Variants in ALMS1 observed in about 807,000 individuals in gnomAD.
ALMS1 encodes ALMS1 centrosome and basal body associated protein, also known as centrosome-associated protein ALMS1.
In ALMS1, 271 loss-of-function variants were observed where a neutral mutation model predicts 352.2. The ratio of observed to expected loss-of-function variants is 0.77; its 90% confidence interval spans 0.70 to 0.85. The LOEUF (loss-of-function observed/expected upper bound fraction) is 0.85, where lower values mean the gene tolerates loss of function less well. ALMS1 is among the 40% of genes least tolerant of loss of function. ALMS1 has a pLI of 0.00. For synonymous variants in ALMS1, 1,865 were observed against 1,761.2 expected, an observed-to-expected ratio of 1.06 and a Z score of -1.48; for missense variants, 5,445 against 4,870.7, an observed-to-expected ratio of 1.12 and a Z score of -3.51.
intron 9 of ALMS1, among the ~76,000 whole-genome samples, chr2:73,483,822 A>C (rs1351173326): frequency 4.8e-5 from 7 of 146,588 alleles, no homozygotes; most frequent in Admixed American, 1.4e-4. Flanking sequence ...CTTTACCATT[A>C]TGTAATGGCC....
rs770879267 is a variant in ALMS1, at chr2:73,517,246, C to CTTTTTTTTTTTTTTTTTTTTTTT, written c.9540-2512_9540-2511insTTTTTTTTTTTTTTTTTTTTTTT. ...CAAGTGATTTTTTGAAAGTTTTAGT[C>CTTTTTTTTTTTTTTTTTTTTTTT]TTTTTTTTTTTTTTTTTCTTATAGA... is the stretch of plus-strand genomic sequence containing the variant. On this transcript the variant is annotated intron_variant, in intron 10 of 22. Coordinates refer to ENST00000613296, the MANE Select transcript of ALMS1 (RefSeq NM_001378454.1). Among the ~76,000 whole-genome samples the CTTTTTTTTTTTTTTTTTTTTTTT allele has an allele frequency of 2.5e-4, 26 of 104,968 alleles. 3 individuals are homozygous for CTTTTTTTTTTTTTTTTTTTTTTT. Among genetic ancestry groups the CTTTTTTTTTTTTTTTTTTTTTTT allele is most frequent in the African/African-American group, 3.8e-4 (8 of 21,256 alleles). The allele number at this position is 104,968 out of a possible 152,430, so 68.9% of individuals were successfully genotyped here. A position where few individuals can be genotyped will look rare whatever the true frequency, so the allele number is the denominator to read the frequency against.
chr2:73,558,412 G>A (rs1674587881), intron 14 of ALMS1, among the ~76,000 whole-genome samples: 1 of 152,122 alleles, frequency 6.6e-6, no homozygotes, highest in Non-Finnish European at 1.5e-5. Flanking sequence ...AAACAGTTTT[G>A]ATCATGTTAA....
intron 9 of ALMS1, among the ~76,000 whole-genome samples, chr2:73,488,628 C>T (rs199949865): frequency 3.9e-5 from 6 of 152,222 alleles, no homozygotes; most frequent in Non-Finnish European, 5.9e-5. Context: ...CCTAGCTGTT[C>T]CTTCCCCACT....
intron 1 of ALMS1, among the ~76,000 whole-genome samples, chr2:73,388,231 C>A (rs904359349): frequency 5.3e-5 from 8 of 152,178 alleles, no homozygotes; most frequent in Admixed American, 3.3e-4. Context: ...TATTAATATT[C>A]AAACTTTATC....
chr2:73,561,625 C>A (rs1558695284), intron 15 of ALMS1, among the ~76,000 whole-genome samples: 1 of 148,350 alleles, frequency 6.7e-6, no homozygotes, highest in African/African-American at 2.6e-5. Flanking sequence ...TTCAGTGTTA[C>A]AAGATGAAAG....
intron 5 of ALMS1, among the ~76,000 whole-genome samples, chr2:73,425,465 G>T (rs1404151616): frequency 2.0e-5 from 3 of 152,070 alleles, no homozygotes; most frequent in African/African-American, 7.2e-5. Context: ...CTTCTGGTTG[G>T]ATTGTTATAT....
intron 12 of ALMS1, among the ~76,000 whole-genome samples, chr2:73,540,974 G>A (rs930717062): frequency 2.0e-5 from 3 of 152,190 alleles, no homozygotes; most frequent in African/African-American, 7.2e-5. Flanking sequence ...GAGACAGAAA[G>A]TTAACAAGGC....
At chr2:73,475,445 T>G (rs1479804040) in intron 9 of ALMS1, among the ~76,000 whole-genome samples, 1 of 152,146 alleles carries the variant, frequency 6.6e-6, no homozygotes, top group African/African-American at 2.4e-5. Flanking sequence ...GGGTATTTAT[T>G]GTGTTTTTTA....
intron 10 of ALMS1, among the ~76,000 whole-genome samples, chr2:73,500,866 C>A (rs959037914): frequency 6.6e-6 from 1 of 152,114 alleles, no homozygotes; most frequent in African/African-American, 2.4e-5. Flanking sequence ...TCCATGTAGT[C>A]TATCTAGGTT....
intron 9 of ALMS1, among the ~76,000 whole-genome samples, chr2:73,469,173 TAACTC>T (rs773403111): frequency 9.2e-5 from 14 of 151,784 alleles, no homozygotes; most frequent in Non-Finnish European, 4.4e-5. Flanking sequence ...TATGGACCAA[TAACTC>T]AACAAGTTTA....
chr2:73,463,241 A>G (rs1009938993), intron 9 of ALMS1, among the ~76,000 whole-genome samples: 1 of 152,248 alleles, frequency 6.6e-6, no homozygotes, highest in African/African-American at 2.4e-5. Context: ...AAGAAATTAT[A>G]ACAAACTATC....
chr2:73,578,115 T>G (rs1675091503), intron 16 of ALMS1, among the ~76,000 whole-genome samples: 1 of 152,198 alleles, frequency 6.6e-6, no homozygotes, highest in South Asian at 2.1e-4. Flanking sequence ...GATTGATCCT[T>G]TTATCAGTAC....
intron 10 of ALMS1, among the ~76,000 whole-genome samples, chr2:73,504,056 G>A (rs1673270276): frequency 6.6e-6 from 1 of 151,756 alleles, no homozygotes; most frequent in Non-Finnish European, 1.5e-5. Flanking sequence ...TTTTTAACTT[G>A]TTATTTGAAA....
chr2:73,429,673 A>G lies in ALMS1; in HGVS notation c.1339-2525A>G, dbSNP rs546045395. On this transcript the variant is annotated intron_variant, in intron 6 of 22. Coordinates refer to ENST00000613296, the MANE Select transcript of ALMS1 (RefSeq NM_001378454.1). ...CTTAGATTTCTTTTCTCTCCCCTTC[A>G]TATCCCCCCACCTTTGGAGACCTAG... Among the ~76,000 whole-genome samples the G allele has an allele frequency of 7.9e-5, 12 of 151,966 alleles. No homozygotes were observed. The South Asian group carries it at 2.5e-3, about 32-fold the overall frequency.
Position 73,424,771 on chromosome 2 carries a change from T to G in ALMS1, c.1106T>G (p.Val369Gly). The G allele has an allele frequency of 1.9e-6, 3 of 1,613,832 alleles. No homozygotes were observed. The highest frequency in any genetic ancestry group is 2.5e-6 in the Non-Finnish European group (3 of 1,179,800). The change falls in exon 5 of 23, where the codon GTT (valine) becomes GGT (glycine). Residue 369 changes from valine (V) to glycine (G), a missense_variant. Physicochemically the swap from Val to Gly is moderately radical, Grantham distance 109 (BLOSUM62 -3). Coordinates refer to ENST00000613296, the MANE Select transcript of ALMS1 (RefSeq NM_001378454.1). ...TTAGCTGATAAAGATCAAGTTTCAG[T>G]TGCAACTTCATTTGACATAACTGAT... is the stretch of plus-strand genomic sequence containing the variant. ...NNLADKDQVS[V>G]ATSFDITDEN... is the part of the protein sequence containing the mutation.
intron 12 of ALMS1, among the ~76,000 whole-genome samples, chr2:73,539,460 C>T (rs187196805): frequency 1.9e-3 from 292 of 152,140 alleles, no homozygotes; most frequent in Non-Finnish European, 3.3e-3. Flanking sequence ...TTCTAAAAAT[C>T]GGAGCGCCTC....
intron 2 of ALMS1, among the ~76,000 whole-genome samples, chr2:73,417,345 T>G (rs181513921): frequency 1.3e-5 from 2 of 152,306 alleles, no homozygotes; most frequent in African/African-American, 4.8e-5. Context: ...AAAAGATTTT[T>G]GGAACTAATA....
In ALMS1 at chr2:73,609,586, C is replaced by G; in HGVS notation, c.12481C>G (p.Leu4161Val). The stretch of plus-strand genomic sequence containing the variant: ...TCTACAGAGAGTGACCAATCAACTT[C>G]TGGGGAGAAAAGTTCCCTGGGACTG... ...LYKKRVTNQL[L>V]GRKVPWD The change falls in exon 23 of 23, where the codon CTG becomes GTG. Residue 4161 changes from leucine (L) to valine (V), a missense_variant. By Grantham distance (32) the Leu-to-Val change is conservative. Transcript: ENST00000613296. 6.2e-7 allele frequency: 1 copy of G among 1,614,126 alleles called. No homozygotes were observed. The highest frequency in any genetic ancestry group is 8.5e-7 in the Non-Finnish European group (1 of 1,179,982).
chr2:73,607,174 GTTAATCATACTGCATATACAGGT>G (rs1358896091), intron 21 of ALMS1, among the ~76,000 whole-genome samples: 2 of 152,138 alleles, frequency 1.3e-5, no homozygotes, highest in African/African-American at 4.8e-5. Flanking sequence ...CCCTCAAATT[GTTAATCATACTGCATATACAGGT>G]TTGTGTCTTG....
Sources: allele counts gnomAD v4.1 joint callset (sites outside exome capture counted in the v4.1 genomes callset), GRCh38; gene constraint gnomAD v4.1.1; transcripts MANE v1.5; gene names NCBI Gene and HGNC (gene_info 2026-07-23, HGNC 2026-07-21).